Variants in CLGN observed in about 807,000 individuals in gnomAD.
CLGN encodes testis tissue sperm-binding protein Li 79P.
CLGN carries 62 observed loss-of-function variants against 79.1 expected under a neutral mutation model. The observed-to-expected ratio is 0.78, with a 90% CI of 0.64 to 0.97. The LOEUF (loss-of-function observed/expected upper bound fraction) is 0.97, where lower values mean the gene tolerates loss of function less well. Among genes scored for constraint, CLGN ranks in the 50% least tolerant of loss-of-function variants. The pLI, the probability that CLGN is intolerant of heterozygous loss-of-function variation, is 0.00. For synonymous variants in CLGN, 225 were observed against 224.7 expected, an observed-to-expected ratio of 1.00 and a Z score of -0.01; for missense variants, 647 against 715.5, an observed-to-expected ratio of 0.90 and a Z score of 1.09.
chr4:140,409,764 A>G, intron 4 of CLGN, 73 bp downstream of exon 4: 2 of 1,002,444 alleles, frequency 2.0e-6, no homozygotes, highest in East Asian at 2.7e-5. Flanking sequence ...ACAATTTAAC[A>G]AAAATCTAAT....
intron 8 of CLGN, 131 bp from the exon 9 acceptor site, chr4:140,396,336 C>G: frequency 2.5e-6 from 2 of 785,902 alleles, no homozygotes; most frequent in Non-Finnish European, 2.0e-6. Context: ...CATCTACTAC[C>G]CACCTAAATC....
chr4:140,419,847 T>G (rs1578609181), intron 1 of CLGN, among the ~76,000 whole-genome samples: 1 of 152,112 alleles, frequency 6.6e-6, no homozygotes, highest in Non-Finnish European at 1.5e-5. Flanking sequence ...CACAATGAAA[T>G]AGGCTTATTT....
chr4:140,403,254 C>T (rs2126622316), intron 5 of CLGN, among the ~76,000 whole-genome samples: 1 of 152,246 alleles, frequency 6.6e-6, no homozygotes, highest in South Asian at 2.1e-4. Flanking sequence ...GTCATTTAAG[C>T]TCTAAGTCTC....
intron 1 of CLGN, among the ~76,000 whole-genome samples, chr4:140,415,487 A>G (rs1213182001): frequency 6.6e-6 from 1 of 152,144 alleles, no homozygotes; most frequent in Non-Finnish European, 1.5e-5. Flanking sequence ...ATAGGCTCCA[A>G]ATAAAAGGAT....
intron 1 of CLGN, among the ~76,000 whole-genome samples, chr4:140,427,262 C>T (rs1212442738): frequency 6.6e-6 from 1 of 152,192 alleles, no homozygotes; most frequent in Non-Finnish European, 1.5e-5. Flanking sequence ...CCGGGCGCAG[C>T]AGGTGGATGC....
intron 1 of CLGN, among the ~76,000 whole-genome samples, chr4:140,413,589 G>A (rs1232358166): frequency 6.6e-6 from 1 of 152,224 alleles, no homozygotes; most frequent in Non-Finnish European, 1.5e-5. Context: ...CAAAGAAAGG[G>A]GTGACGGACG....
chr4:140,392,401 T>G (rs1384932952), intron 12 of CLGN, 23 bp from the exon 13 acceptor site: 1 of 1,573,092 alleles, frequency 6.4e-7, no homozygotes, highest in East Asian at 2.2e-5. Context: ...ACATAAGTTA[T>G]TTTTACTAAA....
At chr4:140,400,930 C>T (rs1054040422) in intron 6 of CLGN, among the ~76,000 whole-genome samples, 5 of 151,968 alleles carry the variant, frequency 3.3e-5, no homozygotes, top group Non-Finnish European at 7.4e-5. Flanking sequence ...TAGGAAGATA[C>T]CAGAAAATGA....
At chr4:140,406,405 G>C (rs1346870474) in intron 4 of CLGN, among the ~76,000 whole-genome samples, 1 of 152,160 alleles carries the variant, frequency 6.6e-6, no homozygotes, top group African/African-American at 2.4e-5. Flanking sequence ...TATAAAATGT[G>C]GTTTGTCTCA....
chr4:140,390,445 CA>C (rs1454184344), intron 14 of CLGN, among the ~76,000 whole-genome samples, 182 bp downstream of exon 14: 2 of 151,616 alleles, frequency 1.3e-5, no homozygotes, highest in African/African-American at 4.8e-5. Context: ...GGCATTGAGA[CA>C]ATATAAATTA....
intron 1 of CLGN, among the ~76,000 whole-genome samples, chr4:140,414,559 G>A (rs1445461470): frequency 1.3e-5 from 2 of 149,556 alleles, no homozygotes; most frequent in African/African-American, 2.5e-5. Flanking sequence ...GAATGCAGAA[G>A]CCTCAGGAGC....
intron 5 of CLGN, among the ~76,000 whole-genome samples, chr4:140,404,254 C>T (rs1160048644): frequency 6.6e-6 from 1 of 151,802 alleles, no homozygotes; most frequent in South Asian, 2.1e-4. Flanking sequence ...CCACCACACC[C>T]GGCTAATTTT....
chr4:140,402,449 C>T (rs529880156), intron 5 of CLGN, among the ~76,000 whole-genome samples: 21 of 151,804 alleles, frequency 1.4e-4, no homozygotes, highest in Admixed American at 3.9e-4. Context: ...AAATAAAGGC[C>T]GTAAGAACCA....
At chr4:140,405,187 T>A (rs1331811455) in intron 5 of CLGN, among the ~76,000 whole-genome samples, 8 of 95,134 alleles carry the variant, frequency 8.4e-5, no homozygotes, top group East Asian at 2.7e-4. Flanking sequence ...TTATTTTTTT[T>A]TTTATTTTTT....
chr4:140,414,037 G>A (rs1284683414), intron 1 of CLGN, among the ~76,000 whole-genome samples: 25 of 152,232 alleles, frequency 1.6e-4, no homozygotes, highest in Non-Finnish European at 2.2e-4. Context: ...CTCCTCAAGT[G>A]GGTCCCTGAC....
At chr4:140,406,564 G>A (rs1173263964) in intron 4 of CLGN, among the ~76,000 whole-genome samples, 2 of 152,182 alleles carry the variant, frequency 1.3e-5, no homozygotes, top group African/African-American at 2.4e-5. Context: ...AAGATTTAAA[G>A]TTCATTTTGA....
At chr4:140,396,889 ATGTATATATATATATATG>A (rs1349076225) in intron 8 of CLGN, among the ~76,000 whole-genome samples, 1 of 60,046 alleles carries the variant, frequency 1.7e-5, no homozygotes, top group Admixed American at 2.6e-4. Context: ...ATATATATAT[ATGTATATATATATATATG>A]TATATATATA....
Position 140,395,707 on chromosome 4 carries a change from C to G in CLGN, c.1149+112G>C, listed in dbSNP as rs1728860089. On this transcript the variant is annotated intron_variant, in intron 10 of 14. Transcript: ENST00000325617. Reference sequence around the variant, plus strand: ...AGTTGAGGTCTATTTTCTTTGACATCTTAAAATTAAAAATGAAACTTCCAA... The same window carrying G: ...AGTTGAGGTCTATTTTCTTTGACATGTTAAAATTAAAAATGAAACTTCCAA... The G allele has an allele frequency of 1.0e-5, 9 of 889,256 alleles. No individual in the cohort carries two copies. The South Asian group carries it at 3.7e-4, about 37-fold the overall frequency. 55.1% of individuals were successfully genotyped at this position (889,256 alleles called of 1,614,324 possible).
At chr4:140,423,062 C>G (rs1348683768) in intron 1 of CLGN, among the ~76,000 whole-genome samples, 1 of 151,840 alleles carries the variant, frequency 6.6e-6, no homozygotes, top group Non-Finnish European at 1.5e-5. Context: ...TTTTTCTTCC[C>G]TAATTTCTCT....
Sources: gnomAD v4.1 joint callset for allele counts (sites outside exome capture counted in the v4.1 genomes callset) on GRCh38, gnomAD v4.1.1 for gene constraint, MANE v1.5 for transcripts, NCBI Gene and HGNC (gene_info 2026-07-23, HGNC 2026-07-21) for gene names.